Variants in ESR1 observed in about 807,000 individuals in gnomAD.
The protein encoded by ESR1 is estrogen receptor 1.
ESR1 carries 12 observed loss-of-function variants against 52.7 expected under a neutral mutation model. The ratio of observed to expected loss-of-function variants is 0.23; its 90% CI spans 0.15 to 0.37. ESR1 has a LOEUF of 0.37. Ranked by LOEUF, ESR1 falls within the 10% of genes least tolerant of loss-of-function variation. ESR1 has a pLI of 1.00. For synonymous variants in ESR1, 305 were observed against 316.8 expected, an observed-to-expected ratio of 0.96 and a Z score of 0.39; for missense variants, 584 against 779.7, an observed-to-expected ratio of 0.75 and a Z score of 2.99.
chr6:151,706,367 C>T (rs1411776840), intron 2 of ESR1, among the ~76,000 whole-genome samples: 1 of 152,190 alleles, frequency 6.6e-6, no homozygotes, highest in Admixed American at 6.5e-5. Context: ...GACTAGTGGG[C>T]TTGAAAGTGA....
At chr6:152,103,646 C>T (rs2051022482), downstream of ESR1, among the ~76,000 whole-genome samples, 1 of 152,166 alleles carries the variant, frequency 6.6e-6, no homozygotes, top group Non-Finnish European at 1.5e-5. Context: ...ATGCCTGGCC[C>T]AAATCCTTCC....
At chr6:151,816,588 A>T (rs1294755008) in intron 1 of ESR1, among the ~76,000 whole-genome samples, 1 of 152,194 alleles carries the variant, frequency 6.6e-6, no homozygotes, top group Admixed American at 6.5e-5. Flanking sequence ...GAATGTCCCT[A>T]TATTTGTTTA....
intron 3 of ESR1, among the ~76,000 whole-genome samples, chr6:151,892,367 C>T (rs768271603): frequency 9.2e-5 from 14 of 152,230 alleles, no homozygotes; most frequent in African/African-American, 2.9e-4. Flanking sequence ...AGAACAACTG[C>T]GGGCAACTGT....
At chr6:152,127,861 T>C (rs943961247) in exon 7 of ESR1, 3 of 152,226 alleles carry the variant, frequency 2.0e-5, no homozygotes, top group Non-Finnish European at 4.4e-5. Flanking sequence ...TAAATGTATC[T>C]GATTAACTTG....
At chr6:151,899,663 G>T (rs1230107796) in intron 3 of ESR1, among the ~76,000 whole-genome samples, 29 of 151,554 alleles carry the variant, frequency 1.9e-4, no homozygotes, top group African/African-American at 7.0e-4. Flanking sequence ...GGGCTGAGGG[G>T]CTCCTCACTT....
Position 151,808,314 on chromosome 6 carries a change from C to A in ESR1, c.402C>A (p.Asn134Lys). 6.4e-7 allele frequency: 1 copy of A among 1,561,272 alleles called. No homozygotes were observed. Among genetic ancestry groups the A allele is most frequent in the South Asian group, 1.2e-5 (1 of 83,436 alleles). The stretch of plus-strand genomic sequence containing the variant: ...AGCAGGTGCCCTACTACCTGGAGAA[C>A]GAGCCCAGCGGCTACACGGTGCGCG... Reference protein sequence around the residue: ...HGQQVPYYLENEPSGYTVREA... With the variant: ...HGQQVPYYLEKEPSGYTVREA... Residue 134 changes from asparagine (N) to lysine (K), a missense_variant, in exon 1 of 8, where the codon AAC becomes AAA. Asn to Lys is a moderately conservative substitution (Grantham distance 94). Transcript: ENST00000206249.
intron 5 of ESR1, among the ~76,000 whole-genome samples, chr6:152,054,851 A>G (rs914865299): frequency 6.6e-6 from 1 of 152,178 alleles, no homozygotes; most frequent in Admixed American, 6.5e-5. Flanking sequence ...ATCAAATGCT[A>G]CATACTATTT....
chr6:151,664,130 GA>G (rs1777736689), intron 1 of ESR1, among the ~76,000 whole-genome samples: 1 of 152,160 alleles, frequency 6.6e-6, no homozygotes, highest in African/African-American at 2.4e-5. Flanking sequence ...AAGTCAAAAA[GA>G]AAAGGCTGAA....
chr6:151,801,040 G>A (rs1174619434), upstream of ESR1, among the ~76,000 whole-genome samples: 6 of 136,404 alleles, frequency 4.4e-5, no homozygotes. Flanking sequence ...ATGGTTCTTG[G>A]TTGATTATGT....
At chr6:151,676,774 G>A (rs1458727551) in intron 1 of ESR1, among the ~76,000 whole-genome samples, 1 of 152,164 alleles carries the variant, frequency 6.6e-6, no homozygotes. Flanking sequence ...TGCCTCACCA[G>A]AGAAACTGCT....
chr6:152,036,437 A>T (rs1021485725), intron 5 of ESR1, among the ~76,000 whole-genome samples: 1 of 152,220 alleles, frequency 6.6e-6, no homozygotes, highest in Non-Finnish European at 1.5e-5. Context: ...TATTTTTATT[A>T]TGCTTTATAA....
intron 4 of ESR1, among the ~76,000 whole-genome samples, chr6:151,978,844 A>G (rs1406842851): frequency 6.6e-6 from 1 of 152,234 alleles, no homozygotes; most frequent in Non-Finnish European, 1.5e-5. Context: ...CACTAAAGAA[A>G]CTGTTGGAGG....
intron 1 of ESR1, among the ~76,000 whole-genome samples, chr6:151,841,187 C>A (rs1035498449): frequency 2.6e-5 from 4 of 152,210 alleles, no homozygotes; most frequent in Non-Finnish European, 5.9e-5. Context: ...CTGGCCCATG[C>A]CCTTCAGTCT....
At chr6:151,693,165 G>A (rs1582908959) in intron 1 of ESR1, among the ~76,000 whole-genome samples, 1 of 152,298 alleles carries the variant, frequency 6.6e-6, no homozygotes, top group East Asian at 1.9e-4. Flanking sequence ...ACTCCTTGCA[G>A]TTTCCAAGCA....
intron 4 of ESR1, among the ~76,000 whole-genome samples, chr6:151,991,658 G>A (rs1458191280): frequency 1.3e-5 from 2 of 152,148 alleles, no homozygotes; most frequent in Non-Finnish European, 2.9e-5. Flanking sequence ...TGTCTCAATG[G>A]CATGAGGAGC....
chr6:151,767,175 C>A (rs1271764790), intron 2 of ESR1, among the ~76,000 whole-genome samples: 1 of 152,214 alleles, frequency 6.6e-6, no homozygotes, highest in Non-Finnish European at 1.5e-5. Context: ...CTCTTCTTAA[C>A]AATCACATCC....
chr6:152,119,933 G>T (rs73625125), intron 6 of ESR1, among the ~76,000 whole-genome samples: 5,090 of 152,274 alleles, frequency 0.033, 106 homozygotes, highest in Middle Eastern at 0.071. Context: ...CTACTTCTTC[G>T]AAGGTTCTGT....
chr6:152,044,347 G>T (rs3020361), intron 5 of ESR1, among the ~76,000 whole-genome samples: 64,100 of 151,970 alleles, frequency 0.42, 14,941 homozygotes, highest in African/African-American at 0.61. Flanking sequence ...AAATCCATCC[G>T]TAAAATTCTG....
At chr6:151,939,729 C>A (rs1562571178) in intron 3 of ESR1, among the ~76,000 whole-genome samples, 1 of 152,014 alleles carries the variant, frequency 6.6e-6, no homozygotes, top group Non-Finnish European at 1.5e-5. Context: ...TTGAACCATA[C>A]CCTTGGGATC....
Sources: allele counts gnomAD v4.1 joint callset (sites outside exome capture counted in the v4.1 genomes callset), GRCh38; gene constraint gnomAD v4.1.1; transcripts MANE v1.5; gene names NCBI Gene and HGNC (gene_info 2026-07-23, HGNC 2026-07-21).